Variants in LRRC9 observed in about 807,000 individuals in gnomAD.
The protein encoded by LRRC9 is leucine-rich repeat-containing protein 9.
LRRC9 carries 122 observed loss-of-function variants against 63.2 expected under a neutral mutation model. The ratio of observed to expected loss-of-function variants is 1.93; its 90% CI spans 1.67 to 2.24. The LOEUF is 2.24. Among genes scored for constraint, LRRC9 ranks in the 30% most tolerant of loss-of-function variants. The probability of loss-of-function intolerance (pLI) is 0.00; values close to 1 mark genes in which losing one functional copy is unlikely to be tolerated. For missense variants in LRRC9, 1,071 were observed against 627.7 expected, an observed-to-expected ratio of 1.71 and a Z score of -7.55; for synonymous variants, 366 against 213.1, an observed-to-expected ratio of 1.72 and a Z score of -6.25.
In LRRC9 at chr14:60,027,951, T is replaced by C; in HGVS notation, c.3771T>C (p.His1257=). Residue 1257 remains histidine (H), a synonymous_variant, in exon 28 of 32, where the codon CAT becomes CAC. Transcript: ENST00000445360. The surrounding 1 kb of genome is among the most constrained non-coding windows in gnomAD (Gnocchi z 4.0). ...TCCTTCAAGAATTGGTAGTGGACCATAACCGCATCCGATCATTTAATGACA... is the reference window on the plus strand; with the variant it reads ...TCCTTCAAGAATTGGTAGTGGACCACAACCGCATCCGATCATTTAATGACA... 1.4e-6 allele frequency: 1 copy of C among 701,850 alleles called. No individual in the cohort carries two copies. The highest frequency in any genetic ancestry group is 2.7e-5 in the East Asian group (1 of 37,238). 43.5% of individuals were successfully genotyped at this position (701,850 alleles called of 1,614,324 possible). A position where few individuals can be genotyped will look rare whatever the true frequency, so the allele number is the denominator to read the frequency against.
chr14:59,952,980 A>G lies in LRRC9; in HGVS notation c.883-6838A>G, dbSNP rs556063885. On this transcript the variant is annotated intron_variant, in intron 8 of 31. Coordinates refer to ENST00000445360, the Ensembl canonical transcript of LRRC9. ...AGCTTCATCCATGTCCCTGCAAAGG[A>G]CATGAGCTCATTCTCTTTAATGGCT... Among the ~76,000 whole-genome samples the G allele has an allele frequency of 5.9e-5, 9 of 152,366 alleles. No homozygotes were observed. In the South Asian group the frequency reaches 1.9e-3, roughly 32 times the overall value.
chr14:59,933,970 A>G (rs1035445130), intron 6 of LRRC9, among the ~76,000 whole-genome samples: 2 of 152,190 alleles, frequency 1.3e-5, no homozygotes, highest in African/African-American at 4.8e-5. Context: ...AGAGAGCTGT[A>G]AAATTTTTGA....
intron 3 of LRRC9, among the ~76,000 whole-genome samples, chr14:59,928,922 A>G (rs951232134): frequency 7.2e-5 from 11 of 152,094 alleles, no homozygotes; most frequent in African/African-American, 2.7e-4. Flanking sequence ...ACAAAATTAA[A>G]CTCAAGATGA....
Position 60,058,080 on chromosome 14 carries a change from T to G in LRRC9, c.4276+58T>G, listed in dbSNP as rs532706340. On this transcript the variant is annotated intron_variant, in intron 31 of 31. Coordinates refer to ENST00000445360, the Ensembl canonical transcript of LRRC9. This position sits in a 1 kb window ranked among gnomAD's most constrained non-coding sequence, Gnocchi z 4.4. ...AATCACTTAATTTGAAATAAAAATA[T>G]CACTTTAATTTCTAATAGTACTTAA... is the stretch of plus-strand genomic sequence containing the variant. 2.0e-6 allele frequency: 1 copy of G among 495,146 alleles called. No individual in the cohort carries two copies. Among genetic ancestry groups the G allele is most frequent in the East Asian group, 2.9e-5 (1 of 34,168 alleles). The allele number at this position is 495,146 out of a possible 1,614,324, so 30.7% of individuals were successfully genotyped here.
chr14:60,000,625 A>C (rs1194806521), intron 19 of LRRC9, among the ~76,000 whole-genome samples: 1 of 152,162 alleles, frequency 6.6e-6, no homozygotes, highest in African/African-American at 2.4e-5. Context: ...ATTCAATAAA[A>C]GGCATTAAGG....
chr14:60,026,812 T>C (rs1031546098), intron 27 of LRRC9, among the ~76,000 whole-genome samples: 2 of 152,072 alleles, frequency 1.3e-5, no homozygotes, highest in Non-Finnish European at 2.9e-5. Context: ...TGACTGTAAA[T>C]GTGTGGATTT....
chr14:60,048,857 A>G (rs1426693059), intron 29 of LRRC9, among the ~76,000 whole-genome samples: 2 of 152,188 alleles, frequency 1.3e-5, no homozygotes, highest in Non-Finnish European at 2.9e-5. Context: ...TCAGGCCACT[A>G]TCTCTGATGA....
At chr14:59,997,023 G>C (rs956587466) in intron 17 of LRRC9, among the ~76,000 whole-genome samples, 4 of 151,790 alleles carry the variant, frequency 2.6e-5, no homozygotes, top group African/African-American at 7.3e-5. Flanking sequence ...ATGTTAAAAG[G>C]ATACAAAATT....
intron 26 of LRRC9, among the ~76,000 whole-genome samples, chr14:60,021,191 A>G (rs1891089882): frequency 6.6e-6 from 1 of 151,898 alleles, no homozygotes; most frequent in Non-Finnish European, 1.5e-5. Context: ...CCATTCTAAT[A>G]CATTTGAAGT....
At chr14:59,970,041 G>C (rs188043554) in intron 12 of LRRC9, among the ~76,000 whole-genome samples, 199 of 152,216 alleles carry the variant, frequency 1.3e-3, no homozygotes, top group African/African-American at 4.6e-3. Flanking sequence ...GGTGTATGTT[G>C]TACAGATTAT....
At chr14:59,983,221 T>C (rs1160942794) in intron 16 of LRRC9, among the ~76,000 whole-genome samples, 1 of 152,174 alleles carries the variant, frequency 6.6e-6, no homozygotes, top group Non-Finnish European at 1.5e-5. Flanking sequence ...GTGTGCCCTT[T>C]GGGTGTTATT....
At chr14:60,023,619 T>A (rs966579652) in intron 27 of LRRC9, among the ~76,000 whole-genome samples, 1 of 152,128 alleles carries the variant, frequency 6.6e-6, no homozygotes, top group Admixed American at 6.6e-5. Context: ...TTATTTAGTT[T>A]TTGTTTAAAT....
At chr14:60,055,481 A>T (rs1270491500) in intron 30 of LRRC9, among the ~76,000 whole-genome samples, 1 of 152,224 alleles carries the variant, frequency 6.6e-6, no homozygotes, top group African/African-American at 2.4e-5. Flanking sequence ...CACCTGTATT[A>T]GTTTCATATT....
At chr14:59,944,220 T>C (rs542839915) in intron 7 of LRRC9, among the ~76,000 whole-genome samples, 33 of 152,126 alleles carry the variant, frequency 2.2e-4, no homozygotes, top group African/African-American at 6.7e-4. Flanking sequence ...ATTTATTTTA[T>C]TCCCTGAGTT....
chr14:60,034,663 G>C (rs977188646), intron 29 of LRRC9, among the ~76,000 whole-genome samples: 29 of 151,998 alleles, frequency 1.9e-4, no homozygotes, highest in African/African-American at 6.3e-4. Context: ...CCATATTGCT[G>C]CAAATAACAG....
chr14:60,011,792 A>G (rs1425772308), intron 23 of LRRC9, among the ~76,000 whole-genome samples: 1 of 152,242 alleles, frequency 6.6e-6, no homozygotes, highest in Non-Finnish European at 1.5e-5. Context: ...CCAATAAAAG[A>G]CACCATAACA....
rs2140051654 is a variant in LRRC9, at chr14:59,974,722, T to C, written c.1639+14T>C. 3 of 628,498 alleles carry C rather than the reference T, an allele frequency of 4.8e-6. No homozygotes were observed. Among genetic ancestry groups the C allele is most frequent in the East Asian group, 2.9e-5 (1 of 34,476 alleles). The allele number at this position is 628,498 out of a possible 1,614,324, so 38.9% of individuals were successfully genotyped here. ...TCTTCAGACATGGTAAATACAAATA[T>C]GCCATGTTTCTGAACTTTTAAGTTC... On this transcript the variant is annotated intron_variant, in intron 13 of 31. Coordinates refer to ENST00000445360, the Ensembl canonical transcript of LRRC9.
intron 21 of LRRC9, among the ~76,000 whole-genome samples, chr14:60,006,035 T>C (rs532950005): frequency 1.3e-5 from 2 of 152,254 alleles, no homozygotes; most frequent in East Asian, 3.9e-4. Flanking sequence ...GGCTGGTGAT[T>C]ATTTTGAGCT....
At chr14:59,973,373 A>T (rs1483505096) in intron 12 of LRRC9, 1 of 152,196 alleles carries the variant, frequency 6.6e-6, no homozygotes. Context: ...TATCGAATGG[A>T]TATTTAGTGA....
Sources: allele counts gnomAD v4.1 joint callset (sites outside exome capture counted in the v4.1 genomes callset), GRCh38; gene constraint gnomAD v4.1.1; non-coding constraint Gnocchi (gnomAD v3.1); transcripts MANE v1.5; gene names NCBI Gene and HGNC (gene_info 2026-07-23, HGNC 2026-07-21).